Variants in ERBB4 observed in about 807,000 individuals in gnomAD.
ERBB4 encodes receptor tyrosine-protein kinase erbB-4.
ERBB4 carries 42 observed loss-of-function variants against 158.0 expected under a neutral mutation model. The observed-to-expected ratio is 0.27, with a 90% confidence interval of 0.21 to 0.34. ERBB4 has a LOEUF of 0.34. Ranked by LOEUF, ERBB4 falls within the 10% of genes least tolerant of loss-of-function variation. The probability of loss-of-function intolerance (pLI) is 1.00; values close to 1 mark genes in which losing one functional copy is unlikely to be tolerated. For synonymous variants in ERBB4, 583 were observed against 558.7 expected (o/e 1.04, Z -0.61); for missense variants, 1,333 against 1,624.1 (o/e 0.82, Z 3.08).
At chr2:211,695,792 A>AT (rs1413514168) in intron 12 of ERBB4, among the ~76,000 whole-genome samples, 7 of 152,114 alleles carry the variant, frequency 4.6e-5, no homozygotes, top group Admixed American at 4.6e-4. Flanking sequence ...CCCAAAAGGC[A>AT]TTTTTTCATA....
intron 1 of ERBB4, among the ~76,000 whole-genome samples, chr2:212,217,269 G>C (rs963901164): frequency 6.6e-6 from 1 of 151,208 alleles, no homozygotes; most frequent in African/African-American, 2.4e-5. Flanking sequence ...GAACTGATCA[G>C]AGCCAAAACC....
chr2:212,277,450 T>C (rs1346383026), intron 1 of ERBB4, among the ~76,000 whole-genome samples: 1 of 151,728 alleles, frequency 6.6e-6, no homozygotes, highest in African/African-American at 2.4e-5. Context: ...ATATTCACCG[T>C]GAGTTCCCTG....
intron 1 of ERBB4, among the ~76,000 whole-genome samples, chr2:212,280,548 C>T (rs2085717335): frequency 6.6e-6 from 1 of 151,614 alleles, no homozygotes; most frequent in Admixed American, 6.6e-5. Flanking sequence ...GGCCAATCAC[C>T]TTTTAGACAT....
chr2:211,890,472 C>T (rs542919592), intron 3 of ERBB4, among the ~76,000 whole-genome samples: 20 of 152,060 alleles, frequency 1.3e-4, no homozygotes, highest in African/African-American at 3.9e-4. Context: ...TACAGACCAT[C>T]GAGACTAGGA....
At chr2:211,635,284 C>T (rs946747348) in intron 16 of ERBB4, among the ~76,000 whole-genome samples, 2 of 152,146 alleles carry the variant, frequency 1.3e-5, no homozygotes, top group Admixed American at 6.5e-5. Flanking sequence ...AAACTAATCT[C>T]ACAGGGATTC....
At position 212,373,973 on chromosome 2, in the gene ERBB4, CATATATATATATCCATATATATCCAT is replaced by C. The variant is rs1560147506; in HGVS notation, c.82+164450_82+164475del. On this transcript the variant is annotated intron_variant, in intron 1 of 27. Coordinates refer to ENST00000342788, the MANE Select transcript of ERBB4 (RefSeq NM_005235.3). The stretch of plus-strand genomic sequence containing the variant: ...TATCATATATATATCCATATATATC[CATATATATATATCCATATATATCCAT>C]ATATATATATCCATATATATCCATA... Among the ~76,000 whole-genome samples the C allele has an allele frequency of 9.2e-4, 82 of 88,716 alleles. 4 individuals carry two copies. Among genetic ancestry groups the C allele is most frequent in the African/African-American group, 2.6e-3 (57 of 22,168 alleles). 58.2% of individuals were successfully genotyped at this position (88,716 alleles called of 152,430 possible).
chr2:211,597,983 A>G (rs2068690500), intron 19 of ERBB4, among the ~76,000 whole-genome samples: 1 of 152,212 alleles, frequency 6.6e-6, no homozygotes, highest in Admixed American at 6.5e-5. Context: ...TAATTCAGTT[A>G]AAGTGGCAGT....
At chr2:211,799,154 G>C (rs978752442) in intron 3 of ERBB4, among the ~76,000 whole-genome samples, 1 of 152,044 alleles carries the variant, frequency 6.6e-6, no homozygotes, top group African/African-American at 2.4e-5. Context: ...TTTTCTTCCA[G>C]GCCAAGGGTC....
chr2:212,388,480 C>T (rs1467443817), intron 1 of ERBB4, among the ~76,000 whole-genome samples: 3 of 152,012 alleles, frequency 2.0e-5, no homozygotes, highest in African/African-American at 7.2e-5. Flanking sequence ...CAGAGTTCTT[C>T]GTGCTGTTAT....
intron 1 of ERBB4, among the ~76,000 whole-genome samples, chr2:212,214,441 T>C (rs1024031683): frequency 6.6e-6 from 1 of 151,900 alleles, no homozygotes; most frequent in African/African-American, 2.4e-5. Context: ...TTATCTTGAA[T>C]AGTTTTTATA....
At chr2:212,289,152 G>A (rs752064830) in intron 1 of ERBB4, among the ~76,000 whole-genome samples, 2 of 152,170 alleles carry the variant, frequency 1.3e-5, no homozygotes, top group Non-Finnish European at 2.9e-5. Context: ...TGAAATGGGT[G>A]TAGTTTGAAA....
chr2:211,760,690 T>C (rs919647612), intron 4 of ERBB4, among the ~76,000 whole-genome samples: 3 of 152,202 alleles, frequency 2.0e-5, no homozygotes, highest in African/African-American at 7.2e-5. Flanking sequence ...TTTGTTTTTA[T>C]ACTTTGGACT....
chr2:212,495,836 G>A (rs1052178894), intron 1 of ERBB4, among the ~76,000 whole-genome samples: 4 of 152,050 alleles, frequency 2.6e-5, no homozygotes, highest in Admixed American at 2.0e-4. Context: ...CAAAGATAAC[G>A]GTGTAATATG....
chr2:211,702,173 A>AG lies in ERBB4; in HGVS notation c.1290-8dup. 6.2e-7 allele frequency: 1 copy of AG among 1,612,798 alleles called. No homozygotes were observed. The highest frequency in any genetic ancestry group is 8.5e-7 in the Non-Finnish European group (1 of 1,178,786). ...GATAAGCAAGGACAGGCCACTAAGG[A>AG]GGGGGAAGTGAGAAAACGGAACCAT... is the stretch of plus-strand genomic sequence containing the variant. On this transcript the variant is annotated splice_region_variant and splice_polypyrimidine_tract_variant and intron_variant, in intron 11 of 27. Transcript: ENST00000342788.
At chr2:212,306,321 C>T (rs2086808218) in intron 1 of ERBB4, among the ~76,000 whole-genome samples, 1 of 151,408 alleles carries the variant, frequency 6.6e-6, no homozygotes, top group Admixed American at 6.6e-5. Context: ...AACAAACAAA[C>T]TCTATAAACG....
At chr2:212,137,807 C>T (rs1377274693) in intron 1 of ERBB4, among the ~76,000 whole-genome samples, 1 of 152,068 alleles carries the variant, frequency 6.6e-6, no homozygotes, top group Non-Finnish European at 1.5e-5. Flanking sequence ...ATAAGCACTC[C>T]TCCTGCTGAG....
rs61091828 is a variant in ERBB4 at position 211,691,568 on chromosome 2, A to ATGTGTGTGTGTG, written c.1489+10387_1489+10398dup. Among the ~76,000 whole-genome samples the ATGTGTGTGTGTG allele has an allele frequency of 7.7e-3, 1,065 of 139,072 alleles. 11 individuals are homozygous for ATGTGTGTGTGTG. Among genetic ancestry groups the ATGTGTGTGTGTG allele is most frequent in the African/African-American group, 0.024 (872 of 36,762 alleles). 91.2% of individuals were successfully genotyped at this position (139,072 alleles called of 152,430 possible). On this transcript the variant is annotated intron_variant, in intron 12 of 27. Coordinates refer to ENST00000342788, the MANE Select transcript of ERBB4 (RefSeq NM_005235.3). The stretch of plus-strand genomic sequence containing the variant: ...TAAATTTATGTATGCATAGAAACAT[A>ATGTGTGTGTGTG]TGTGTGTGTGTGTGTGTGTGTGTGT...
chr2:211,411,186 C>A (rs914547177), intron 25 of ERBB4, among the ~76,000 whole-genome samples: 2 of 152,150 alleles, frequency 1.3e-5, no homozygotes, highest in South Asian at 4.1e-4. Context: ...GGATTACAGG[C>A]GTGAGCCACC....
chr2:212,516,701 A>G (rs918277078), intron 1 of ERBB4, among the ~76,000 whole-genome samples: 4 of 152,132 alleles, frequency 2.6e-5, no homozygotes, highest in African/African-American at 9.7e-5. Context: ...GTGGATATTT[A>G]AAGAGTTGCT....
Sources: gnomAD v4.1 joint callset for allele counts (sites outside exome capture counted in the v4.1 genomes callset) on GRCh38, gnomAD v4.1.1 for gene constraint, MANE v1.5 for transcripts, NCBI Gene and HGNC (gene_info 2026-07-23, HGNC 2026-07-21) for gene names.